The following INPP4B variants were observed in gnomAD, a reference collection of about 807,000 sequenced individuals.
INPP4B encodes inositol polyphosphate 4-phosphatase type II.
Under a neutral mutation model 122.5 loss-of-function variants are expected in INPP4B, and 55 were observed. The observed-to-expected ratio is 0.45, with a 90% CI of 0.36 to 0.56. The LOEUF is 0.56. Among genes scored for constraint, INPP4B ranks in the 20% least tolerant of loss-of-function variants. The pLI, the probability that INPP4B is intolerant of heterozygous loss-of-function variation, is 0.00. For synonymous variants in INPP4B, 403 were observed against 388.7 expected (o/e 1.04, Z -0.43); for missense variants, 1,000 against 1,097.7 (o/e 0.91, Z 1.26).
At chr4:142,625,373 C>G (rs989924464) in intron 2 of INPP4B, among the ~76,000 whole-genome samples, 2 of 152,082 alleles carry the variant, frequency 1.3e-5, no homozygotes, top group African/African-American at 4.8e-5. Flanking sequence ...GAGTGAACTC[C>G]CATTCACAAT....
intron 2 of INPP4B, among the ~76,000 whole-genome samples, chr4:142,676,311 G>A (rs1757764617): frequency 6.6e-6 from 1 of 152,090 alleles, no homozygotes; most frequent in African/African-American, 2.4e-5. Flanking sequence ...TCTTCAAGGA[G>A]AACTACAAAC....
chr4:142,355,912 A>T (rs1260960526), intron 7 of INPP4B, among the ~76,000 whole-genome samples: 1 of 151,330 alleles, frequency 6.6e-6, no homozygotes, highest in Non-Finnish European at 1.5e-5. Flanking sequence ...TCAACTACTG[A>T]GTCTTTTCTT....
chr4:142,055,309 A>C (rs1289305108), intron 25 of INPP4B, among the ~76,000 whole-genome samples: 1 of 152,108 alleles, frequency 6.6e-6, no homozygotes, highest in African/African-American at 2.4e-5. Flanking sequence ...AAAGAGATGG[A>C]AACACTGAAC....
At chr4:142,633,491 T>C (rs1450299985) in intron 2 of INPP4B, among the ~76,000 whole-genome samples, 1 of 152,154 alleles carries the variant, frequency 6.6e-6, no homozygotes, top group African/African-American at 2.4e-5. Context: ...TGCTGGACTA[T>C]CTTAACACAC....
intron 1 of INPP4B, among the ~76,000 whole-genome samples, chr4:142,808,823 G>T (rs1779164540): frequency 6.6e-6 from 1 of 152,040 alleles, no homozygotes; most frequent in African/African-American, 2.4e-5. Flanking sequence ...TGAATCTGAA[G>T]AATTTTAGGA....
intron 2 of INPP4B, among the ~76,000 whole-genome samples, chr4:142,719,820 G>A (rs1764276953): frequency 6.6e-6 from 1 of 152,004 alleles, no homozygotes; most frequent in Non-Finnish European, 1.5e-5. Flanking sequence ...CAACTGAACA[G>A]AGATCCATGA....
chr4:142,753,175 C>T (rs1386811096), intron 1 of INPP4B, among the ~76,000 whole-genome samples: 2 of 152,034 alleles, frequency 1.3e-5, no homozygotes, highest in African/African-American at 4.8e-5. Context: ...CGTTCTTACA[C>T]CAACCAGATT....
intron 7 of INPP4B, among the ~76,000 whole-genome samples, chr4:142,355,326 G>C (rs1396175199): frequency 6.6e-6 from 1 of 152,082 alleles, no homozygotes; most frequent in Admixed American, 6.6e-5. Flanking sequence ...GGACAACAGA[G>C]AGAAATCAGG....
At chr4:142,054,996 G>A (rs1180619233) in intron 25 of INPP4B, among the ~76,000 whole-genome samples, 1 of 151,988 alleles carries the variant, frequency 6.6e-6, no homozygotes, top group African/African-American at 2.4e-5. Context: ...AGAGTGGCCA[G>A]GTATATACAT....
intron 18 of INPP4B, among the ~76,000 whole-genome samples, chr4:142,130,877 G>T (rs1165086497): frequency 3.3e-5 from 5 of 152,152 alleles, no homozygotes; most frequent in Non-Finnish European, 5.9e-5. Context: ...GCCAGCCTGA[G>T]AACACAGTGT....
intron 9 of INPP4B, among the ~76,000 whole-genome samples, chr4:142,298,919 TATG>T (rs1760055976): frequency 1.3e-5 from 2 of 152,002 alleles, no homozygotes; most frequent in South Asian, 4.1e-4. Context: ...AACAGAAGAT[TATG>T]ATAAAACATT....
intron 7 of INPP4B, among the ~76,000 whole-genome samples, chr4:142,396,285 TAATA>T (rs909983094): frequency 6.6e-6 from 1 of 152,114 alleles, no homozygotes; most frequent in African/African-American, 2.4e-5. Context: ...ACCCTTTTTT[TAATA>T]AATAGGCAAA....
At chr4:142,651,745 A>G (rs116190547) in intron 2 of INPP4B, among the ~76,000 whole-genome samples, 1,756 of 152,294 alleles carry the variant, frequency 0.012, 31 homozygotes, top group African/African-American at 0.032. Context: ...TACCAACCAA[A>G]AAAAAGTCCA....
chr4:142,643,713 C>T (rs1039424811), intron 2 of INPP4B, among the ~76,000 whole-genome samples: 1 of 152,148 alleles, frequency 6.6e-6, no homozygotes, highest in Non-Finnish European at 1.5e-5. Context: ...TCAAAGCTTA[C>T]CATGAAAATA....
chr4:142,311,391 TTAGATTTTC>T (rs1765455943), intron 8 of INPP4B, among the ~76,000 whole-genome samples: 1 of 152,188 alleles, frequency 6.6e-6, no homozygotes, highest in African/African-American at 2.4e-5. Flanking sequence ...ACAAAATTTG[TTAGATTTTC>T]TACTGTATTA....
At chr4:142,754,921 A>G (rs1681072057) in intron 1 of INPP4B, among the ~76,000 whole-genome samples, 1 of 152,044 alleles carries the variant, frequency 6.6e-6, no homozygotes, top group South Asian at 2.1e-4. Flanking sequence ...ATGGACTAAA[A>G]ATATGTTGCA....
Position 142,712,860 on chromosome 4 carries a change from G to GT in INPP4B, c.-191+12978dup, listed in dbSNP as rs1763283552. ...CACAAAATTACAATAACTCTCTTAG[G>GT]TTTTACTATTATCTCCATCTTACAG... On this transcript the variant is annotated intron_variant, in intron 2 of 25. Transcript: ENST00000262992. 2.6e-5 allele frequency among the ~76,000 whole-genome samples: 4 copies of GT among 151,966 alleles called. No homozygotes were observed. The South Asian group carries it at 8.3e-4, about 32-fold the overall frequency.
At chr4:142,673,061 C>A (rs1757227153) in intron 2 of INPP4B, among the ~76,000 whole-genome samples, 1 of 152,094 alleles carries the variant, frequency 6.6e-6, no homozygotes, top group South Asian at 2.1e-4. Flanking sequence ...GAGCCTATTT[C>A]TGAAGTTACC....
At chr4:142,788,912 T>C (rs1776140204) in intron 1 of INPP4B, among the ~76,000 whole-genome samples, 1 of 152,064 alleles carries the variant, frequency 6.6e-6, no homozygotes, top group Non-Finnish European at 1.5e-5. Flanking sequence ...ATGCCAGGGA[T>C]GTAGGGATGA....
Sources: gnomAD v4.1 joint callset for allele counts (sites outside exome capture counted in the v4.1 genomes callset) on GRCh38, gnomAD v4.1.1 for gene constraint, MANE v1.5 for transcripts, NCBI Gene and HGNC (gene_info 2026-07-23, HGNC 2026-07-21) for gene names.